PIK3C2G: variants seen among roughly 807,000 people sequenced by gnomAD.
PIK3C2G encodes the protein phosphatidylinositol 3-kinase C2 domain-containing subunit gamma.
Under a neutral mutation model 181.1 loss-of-function variants are expected in PIK3C2G, and 168 were observed. That is an observed-to-expected ratio of 0.93 (90% CI 0.82 to 1.05). PIK3C2G has a LOEUF of 1.05. Among genes scored for constraint, PIK3C2G ranks in the 50% least tolerant of loss-of-function variants. The pLI, the probability that PIK3C2G is intolerant of heterozygous loss-of-function variation, is 0.00. For missense variants in PIK3C2G, 1,869 were observed against 1,732.8 expected, an observed-to-expected ratio of 1.08 and a Z score of -1.40; for synonymous variants, 573 against 592.2, an observed-to-expected ratio of 0.97 and a Z score of 0.47.
chr12:18,317,958 C>A (rs1430612708), intron 6 of PIK3C2G, among the ~76,000 whole-genome samples: 4 of 152,178 alleles, frequency 2.6e-5, no homozygotes, highest in Admixed American at 2.6e-4. Context: ...TAAGCAGTAG[C>A]TATTGACGTC....
chr12:18,687,106 G>A, the PIK3C2G span, among the ~76,000 whole-genome samples: 2 of 152,046 alleles, frequency 1.3e-5, no homozygotes, highest in Non-Finnish European at 2.9e-5. Flanking sequence ...GGTGTCAAAT[G>A]AGGCAGGAAG....
In PIK3C2G at chr12:18,382,954, C is replaced by T. The variant is rs559773388; in HGVS notation, c.1995+1074C>T. ...CACACTCTTGCAGAGGAAGATTCGA[C>T]CACGTGACACCTAAAGGTCCACTTC... is the stretch of plus-strand genomic sequence containing the variant. On this transcript the variant is annotated intron_variant, in intron 14 of 32. Coordinates refer to ENST00000538779, the MANE Select transcript of PIK3C2G (RefSeq NM_001288772.2). Among the ~76,000 whole-genome samples the T allele has an allele frequency of 9.2e-4, 140 of 152,216 alleles. No homozygotes were observed. In the Middle Eastern group the frequency reaches 0.01, roughly 11 times the overall value.
At chr12:18,713,342 C>T in the PIK3C2G span, among the ~76,000 whole-genome samples, 1 of 152,262 alleles carries the variant, frequency 6.6e-6, no homozygotes, top group South Asian at 2.1e-4. Context: ...CTTATGGTGG[C>T]ATTTACTGTT....
At chr12:18,592,147 G>A (rs904365054) in intron 29 of PIK3C2G, among the ~76,000 whole-genome samples, 28 of 151,774 alleles carry the variant, frequency 1.8e-4, no homozygotes, top group Non-Finnish European at 3.4e-4. Flanking sequence ...AGAAGGCTTA[G>A]GTTTAGGAGA....
Position 18,491,562 on chromosome 12 carries a change from A to G in PIK3C2G, c.2793+4A>G, listed in dbSNP as rs376497466. 3.0e-5 allele frequency: 43 copies of G among 1,448,992 alleles called. No individual in the cohort carries two copies. The African/African-American group carries it at 5.6e-4, about 19-fold the overall frequency. 89.8% of individuals were successfully genotyped at this position (1,448,992 alleles called of 1,614,324 possible). A position where few individuals can be genotyped will look rare whatever the true frequency, so the allele number is the denominator to read the frequency against. ...TATAAAAGGGATTGATCACGATGTAAGTCAACTTATTCCTCAGATTAATGG... is the reference window on the plus strand; with the variant it reads ...TATAAAAGGGATTGATCACGATGTAGGTCAACTTATTCCTCAGATTAATGG... On this transcript the variant is annotated splice_donor_region_variant and intron_variant, in intron 20 of 32. Transcript: ENST00000538779.
chr12:18,708,175 C>T, the PIK3C2G span, among the ~76,000 whole-genome samples: 1 of 152,154 alleles, frequency 6.6e-6, no homozygotes, highest in African/African-American at 2.4e-5. Flanking sequence ...TTTCTTCTCC[C>T]TCCCCACACC....
intron 18 of PIK3C2G, among the ~76,000 whole-genome samples, chr12:18,426,225 CTGTTT>C (rs771423714): frequency 2.0e-5 from 3 of 152,032 alleles, no homozygotes; most frequent in African/African-American, 4.8e-5. Flanking sequence ...ATTACTATTT[CTGTTT>C]TGTTTCTCCT....
intron 22 of PIK3C2G, among the ~76,000 whole-genome samples, chr12:18,500,947 A>G (rs1941425140): frequency 6.6e-6 from 1 of 150,722 alleles, no homozygotes; most frequent in Admixed American, 6.6e-5. Flanking sequence ...GGAACGAACA[A>G]CTCCAGACAC....
intron 18 of PIK3C2G, among the ~76,000 whole-genome samples, chr12:18,484,499 C>T (rs935780638): frequency 3.9e-5 from 6 of 152,062 alleles, no homozygotes; most frequent in African/African-American, 9.7e-5. Flanking sequence ...TGAGTTGTTA[C>T]GAAGTAATTT....
At chr12:18,435,463 T>A (rs1044271482) in intron 18 of PIK3C2G, among the ~76,000 whole-genome samples, 29 of 152,082 alleles carry the variant, frequency 1.9e-4, no homozygotes, top group African/African-American at 6.8e-4. Flanking sequence ...TAAAGTCAGC[T>A]CCAGGTCATG....
intron 26 of PIK3C2G, among the ~76,000 whole-genome samples, chr12:18,556,771 A>G (rs1351109049): frequency 6.6e-6 from 1 of 152,168 alleles, no homozygotes; most frequent in African/African-American, 2.4e-5. Flanking sequence ...GCACCTGTAA[A>G]TTCATAAGTG....
intron 30 of PIK3C2G, among the ~76,000 whole-genome samples, chr12:18,606,387 CA>C (rs1385922203): frequency 2.0e-5 from 3 of 151,960 alleles, no homozygotes; most frequent in Non-Finnish European, 4.4e-5. Flanking sequence ...ACCTTTATAC[CA>C]AACATCTTTT....
chr12:18,555,119 A>T (rs1325283844), intron 26 of PIK3C2G, among the ~76,000 whole-genome samples: 1 of 152,154 alleles, frequency 6.6e-6, no homozygotes, highest in Non-Finnish European at 1.5e-5. Context: ...TCCTGTGACT[A>T]TTAAAGAGAC....
At chr12:18,465,538 A>T (rs1030870682) in intron 18 of PIK3C2G, among the ~76,000 whole-genome samples, 2 of 151,868 alleles carry the variant, frequency 1.3e-5, no homozygotes, top group East Asian at 3.9e-4. Context: ...ACTTTAGTTC[A>T]TATTCATTTT....
chr12:18,634,727 A>T (rs1949511878), intron 31 of PIK3C2G, among the ~76,000 whole-genome samples: 1 of 152,180 alleles, frequency 6.6e-6, no homozygotes, highest in Non-Finnish European at 1.5e-5. Context: ...TTGTTCATGA[A>T]CCCACTGGGC....
rs578059035 is a variant in PIK3C2G, at chr12:18,271,881, C to T, written c.-78-10123C>T. On this transcript the variant is annotated intron_variant, in intron 1 of 32. Coordinates refer to ENST00000538779, the MANE Select transcript of PIK3C2G (RefSeq NM_001288772.2). ...ATCCAATGAATCATGCTACCTAATA[C>T]TCTTTAAATTGATGATATTAGCAAC... is the stretch of plus-strand genomic sequence containing the variant. Among the ~76,000 whole-genome samples the T allele has an allele frequency of 1.1e-3, 168 of 152,220 alleles. 1 individual carries two copies. Among genetic ancestry groups the T allele is most frequent in the Non-Finnish European group, 2.0e-3 (134 of 68,018 alleles).
At chr12:18,506,041 G>A (rs1941809411) in intron 24 of PIK3C2G, among the ~76,000 whole-genome samples, 1 of 152,142 alleles carries the variant, frequency 6.6e-6, no homozygotes, top group Non-Finnish European at 1.5e-5. Context: ...AGAAAACTAA[G>A]GCAGAGAAAT....
chr12:18,382,951 C>T (rs1018055075), intron 14 of PIK3C2G, among the ~76,000 whole-genome samples: 10 of 152,030 alleles, frequency 6.6e-5, no homozygotes, highest in Admixed American at 3.9e-4. Flanking sequence ...GAGGAAGATT[C>T]GACCACGTGA....
At chr12:18,301,581 T>A (rs1950176533) in intron 5 of PIK3C2G, among the ~76,000 whole-genome samples, 1 of 152,066 alleles carries the variant, frequency 6.6e-6, no homozygotes, top group African/African-American at 2.4e-5. Context: ...TATTTTTGTC[T>A]CTTTTTTTAC....
Sources: gnomAD v4.1 joint callset for allele counts (sites outside exome capture counted in the v4.1 genomes callset) on GRCh38, gnomAD v4.1.1 for gene constraint, MANE v1.5 for transcripts, NCBI Gene and HGNC (gene_info 2026-07-23, HGNC 2026-07-21) for gene names.